Variants in PAPPA2 observed in about 807,000 individuals in gnomAD.
PAPPA2 encodes the protein pappalysin-2.
PAPPA2 carries 86 observed loss-of-function variants against 176.4 expected under a neutral mutation model. The observed-to-expected ratio is 0.49, with a 90% confidence interval of 0.41 to 0.58. The LOEUF is 0.58. Ranked by LOEUF, PAPPA2 falls within the 20% of genes least tolerant of loss-of-function variation. The pLI, the probability that PAPPA2 is intolerant of heterozygous loss-of-function variation, is 0.00. For missense variants in PAPPA2, 2,073 were observed against 2,256.9 expected (o/e 0.92, Z 1.65); for synonymous variants, 809 against 852.2 (o/e 0.95, Z 0.88).
At chr1:176,662,669 A>G (rs1406640284) in intron 3 of PAPPA2, among the ~76,000 whole-genome samples, 3 of 151,190 alleles carry the variant, frequency 2.0e-5, no homozygotes, top group Non-Finnish European at 2.9e-5. Context: ...TTCTCTTTTA[A>G]TATCTGGTTC....
intron 21 of PAPPA2, among the ~76,000 whole-genome samples, chr1:176,834,890 G>C (rs1467650641): frequency 1.3e-5 from 2 of 152,186 alleles, no homozygotes; most frequent in Non-Finnish European, 2.9e-5. Flanking sequence ...AGAATCGCTT[G>C]AACCTAAGAG....
intron 1 of PAPPA2, among the ~76,000 whole-genome samples, chr1:176,478,698 C>T (rs1652250298): frequency 6.6e-6 from 1 of 152,148 alleles, no homozygotes. Context: ...CAGAGAATGG[C>T]CAGGGAGACT....
At chr1:176,778,573 T>C (rs578195777) in intron 17 of PAPPA2, among the ~76,000 whole-genome samples, 1 of 152,298 alleles carries the variant, frequency 6.6e-6, no homozygotes, top group African/African-American at 2.4e-5. Context: ...CTAAAACTCA[T>C]TAAGTATCCT....
chr1:176,618,581 C>T (rs1303420069), intron 3 of PAPPA2, among the ~76,000 whole-genome samples: 1 of 152,170 alleles, frequency 6.6e-6, no homozygotes, highest in Non-Finnish European at 1.5e-5. Flanking sequence ...TGTGCATTCG[C>T]TCATTTGTTC....
At chr1:176,736,884 A>G (rs761646639) in intron 12 of PAPPA2, among the ~76,000 whole-genome samples, 2 of 151,900 alleles carry the variant, frequency 1.3e-5, no homozygotes, top group African/African-American at 4.8e-5. Flanking sequence ...GATCATTTCC[A>G]TGGAAGCAGA....
chr1:176,634,845 G>C (rs200012530), intron 3 of PAPPA2, among the ~76,000 whole-genome samples: 29 of 124,506 alleles, frequency 2.3e-4, no homozygotes, highest in Non-Finnish European at 3.3e-4. Flanking sequence ...TAGATAGATA[G>C]ATACATAGAT....
At chr1:176,613,472 C>A (rs1655041452) in intron 3 of PAPPA2, among the ~76,000 whole-genome samples, 1 of 152,190 alleles carries the variant, frequency 6.6e-6, no homozygotes, top group Non-Finnish European at 1.5e-5. Context: ...TTTGTTTCCC[C>A]ACTGCACTGT....
intron 6 of PAPPA2, among the ~76,000 whole-genome samples, chr1:176,694,978 C>T (rs1000004999): frequency 2.0e-5 from 3 of 152,138 alleles, no homozygotes; most frequent in Non-Finnish European, 4.4e-5. Context: ...AGGAGAGAGG[C>T]TAAGTGCTAC....
intron 1 of PAPPA2, among the ~76,000 whole-genome samples, chr1:176,467,403 A>G (rs1651675850): frequency 6.6e-6 from 1 of 152,228 alleles, no homozygotes; most frequent in African/African-American, 2.4e-5. Context: ...AAGTGTTGGC[A>G]TGTTGCATTT....
chr1:176,638,939 C>CAT (rs1553379103), intron 3 of PAPPA2, among the ~76,000 whole-genome samples: 6 of 143,030 alleles, frequency 4.2e-5, no homozygotes, highest in African/African-American at 1.5e-4. Flanking sequence ...TGTGCATGTG[C>CAT]GTGTGTGTGT....
At chr1:176,524,448 TAAC>T (rs1194567308) in intron 1 of PAPPA2, among the ~76,000 whole-genome samples, 1 of 152,184 alleles carries the variant, frequency 6.6e-6, no homozygotes, top group Non-Finnish European at 1.5e-5. Flanking sequence ...AACAGCATTA[TAAC>T]AACTCAACAC....
chr1:176,564,726 T>TTC (rs1042668065), intron 2 of PAPPA2, among the ~76,000 whole-genome samples: 1 of 150,718 alleles, frequency 6.6e-6, no homozygotes, highest in African/African-American at 2.5e-5. Flanking sequence ...CCTTTTCTTT[T>TTC]TTTTTTTTTT....
intron 1 of PAPPA2, among the ~76,000 whole-genome samples, chr1:176,507,315 G>T (rs1294412064): frequency 6.6e-6 from 1 of 152,070 alleles, no homozygotes; most frequent in Non-Finnish European, 1.5e-5. Flanking sequence ...GTGGACAAAA[G>T]GGAACTCTTC....
chr1:176,596,786 G>A (rs961031999), intron 3 of PAPPA2, among the ~76,000 whole-genome samples: 1 of 152,230 alleles, frequency 6.6e-6, no homozygotes, highest in Non-Finnish European at 1.5e-5. Context: ...GCCTTAAGAA[G>A]ATTCTCATTT....
intron 17 of PAPPA2, among the ~76,000 whole-genome samples, chr1:176,774,452 A>G (rs561026460): frequency 5.9e-5 from 9 of 152,280 alleles, no homozygotes; most frequent in African/African-American, 2.2e-4. Flanking sequence ...TGTTCCATGA[A>G]GCTGGTTGAA....
In PAPPA2 at chr1:176,742,383, C is replaced by CA. The variant is rs767890160; in HGVS notation, c.4151+2189dup. Among the ~76,000 whole-genome samples the CA allele has an allele frequency of 1.0e-3, 154 of 152,216 alleles. 1 individual carries two copies. Among genetic ancestry groups the CA allele is most frequent in the Non-Finnish European group, 3.1e-4 (21 of 68,020 alleles). On this transcript the variant is annotated intron_variant, in intron 14 of 22. Transcript: ENST00000367662. ...CCTTACAATCATAGCTGTGAAGTCTCAACAAAGAAGTTGATTAATTGTAAT... is the reference window on the plus strand; with the variant it reads ...CCTTACAATCATAGCTGTGAAGTCTCAAACAAAGAAGTTGATTAATTGTAAT...
At chr1:176,579,603 A>C (rs2102626027) in intron 2 of PAPPA2, among the ~76,000 whole-genome samples, 1 of 152,330 alleles carries the variant, frequency 6.6e-6, no homozygotes, top group African/African-American at 2.4e-5. Flanking sequence ...CAAATTTGTT[A>C]ATGTCACACT....
intron 2 of PAPPA2, among the ~76,000 whole-genome samples, chr1:176,585,380 C>G (rs375958100): frequency 9.9e-5 from 15 of 151,864 alleles, no homozygotes; most frequent in African/African-American, 3.6e-4. Flanking sequence ...ATGGGTATTC[C>G]CTTATATGTG....
rs1653423525 is a variant in PAPPA2, at chr1:176,587,959, T to C, written c.920-6565T>C. 2.6e-5 allele frequency among the ~76,000 whole-genome samples: 4 copies of C among 152,192 alleles called. No homozygotes were observed. In the South Asian group the frequency reaches 8.3e-4, roughly 31 times the overall value. The stretch of plus-strand genomic sequence containing the variant: ...CTAATTCTGTGAAGAATGTCAACAG[T>C]AATTTGATGGGAGTAGCATTGAATC... On this transcript the variant is annotated intron_variant, in intron 2 of 22. Coordinates refer to ENST00000367662, the MANE Select transcript of PAPPA2 (RefSeq NM_020318.3).
Sources: gnomAD v4.1 joint callset for allele counts (sites outside exome capture counted in the v4.1 genomes callset) on GRCh38, gnomAD v4.1.1 for gene constraint, MANE v1.5 for transcripts, NCBI Gene and HGNC (gene_info 2026-07-23, HGNC 2026-07-21) for gene names.